Variants in DOCK8 observed in about 807,000 individuals in gnomAD.
DOCK8 encodes the protein dedicator of cytokinesis protein 8.
Under a neutral mutation model 245.6 loss-of-function variants are expected in DOCK8, and 141 were observed. The observed-to-expected ratio is 0.57, with a 90% confidence interval of 0.50 to 0.66. The LOEUF is 0.66. Ranked by LOEUF, DOCK8 falls within the 30% of genes least tolerant of loss-of-function variation. The pLI, the probability that DOCK8 is intolerant of heterozygous loss-of-function variation, is 0.00. For missense variants in DOCK8, 2,965 were observed against 2,603.4 expected, an observed-to-expected ratio of 1.14 and a Z score of -3.02; for synonymous variants, 1,168 against 970.2, an observed-to-expected ratio of 1.20 and a Z score of -3.79.
At position 214,945 on chromosome 9, in the gene DOCK8, G is replaced by A. The variant is rs746689422; in HGVS notation, c.-32G>A. On this transcript the variant is annotated 5_prime_UTR_variant, in exon 1 of 48. Transcript: ENST00000432829. ...CAGGCCCCCGCTTTCCGCACCCCGCGACCCTAGAAGCCACCGAACCGCCGG... is the reference window on the plus strand; with the variant it reads ...CAGGCCCCCGCTTTCCGCACCCCGCAACCCTAGAAGCCACCGAACCGCCGG... 1.9e-6 allele frequency: 3 copies of A among 1,603,662 alleles called. No individual in the cohort carries two copies. The highest frequency in any genetic ancestry group is 2.3e-5 in the East Asian group (1 of 44,106).
rs2055901401 is a variant in DOCK8 at position 414,647 on chromosome 9, A to G, written c.3531-135A>G. Reference sequence around the variant, plus strand: ...GGCAGTCTGTTTCTGGATTCTATGTAGTTCTATCCTATATTGCTTGGTTTT... The same window carrying G: ...GGCAGTCTGTTTCTGGATTCTATGTGGTTCTATCCTATATTGCTTGGTTTT... On this transcript the variant is annotated intron_variant, in intron 28 of 47. Coordinates refer to ENST00000432829, the MANE Select transcript of DOCK8 (RefSeq NM_203447.4). 3.0e-6 allele frequency: 3 copies of G among 994,150 alleles called. No individual in the cohort carries two copies. In the South Asian group the frequency reaches 4.0e-5, roughly 13 times the overall value. 61.6% of individuals were successfully genotyped at this position (994,150 alleles called of 1,614,324 possible).
At chr9:460,559 T>A (rs1179065271) in intron 46 of DOCK8, 2 of 152,282 alleles carry the variant, frequency 1.3e-5, no homozygotes, top group African/African-American at 4.8e-5. Flanking sequence ...CCTTCCCTTC[T>A]ATTTCTTCCC....
chr9:214,623 C>T (rs752496365), upstream of DOCK8: 5 of 1,613,446 alleles, frequency 3.1e-6, no homozygotes, highest in Admixed American at 6.7e-5. Context: ...GGCCTGCGCG[C>T]AGTGGTCGCC....
At chr9:211,602 A>T (rs2046621013), upstream of DOCK8, among the ~76,000 whole-genome samples, 1 of 152,180 alleles carries the variant, frequency 6.6e-6, no homozygotes, top group South Asian at 2.1e-4. Flanking sequence ...GATATTTACA[A>T]AGAAGTGATA....
intron 36 of DOCK8, among the ~76,000 whole-genome samples, chr9:431,697 C>G (rs1004378160): frequency 6.6e-6 from 1 of 151,936 alleles, no homozygotes; most frequent in Non-Finnish European, 1.5e-5. Flanking sequence ...TTAGTAGAGG[C>G]GGGGTTTTGC....
intron 23 of DOCK8, among the ~76,000 whole-genome samples, chr9:388,445 A>T (rs547697275): frequency 8.1e-4 from 123 of 152,350 alleles, no homozygotes; most frequent in African/African-American, 2.9e-3. Context: ...AAGCATGTAT[A>T]CAGAGATTTT....
intron 14 of DOCK8, among the ~76,000 whole-genome samples, chr9:345,299 T>G (rs1248871180): frequency 6.6e-6 from 1 of 152,130 alleles, no homozygotes; most frequent in Non-Finnish European, 1.5e-5. Flanking sequence ...CCTCATGAAT[T>G]TGAAATATGG....
chr9:385,373 T>C (rs1034128653), intron 22 of DOCK8, among the ~76,000 whole-genome samples: 2 of 152,158 alleles, frequency 1.3e-5, no homozygotes, highest in African/African-American at 4.8e-5. Flanking sequence ...ATGAAAGTCA[T>C]ATAAGAAATA....
intron 35 of DOCK8, 27 bp downstream of exon 35, chr9:428,523 C>T (rs1564057086): frequency 6.2e-7 from 1 of 1,613,690 alleles, no homozygotes; most frequent in African/African-American, 1.3e-5. Context: ...TGTTTTCTTC[C>T]TCTTAATTAA....
In DOCK8 at chr9:252,235, A is replaced by G. The variant is rs538066536; in HGVS notation, c.54-19392A>G. 4.6e-4 allele frequency among the ~76,000 whole-genome samples: 70 copies of G among 151,682 alleles called. 1 individual carries two copies. The highest frequency in any genetic ancestry group is 4.2e-3 in the South Asian group (20 of 4,792). ...TGATTCACTGGCCTCGGCCTCCCAA[A>G]GTGCTGGGATTACAAGCGTGAGCCA... On this transcript the variant is annotated intron_variant, in intron 1 of 47. Coordinates refer to ENST00000432829, the MANE Select transcript of DOCK8 (RefSeq NM_203447.4).
intron 30 of DOCK8, among the ~76,000 whole-genome samples, chr9:418,687 G>T (rs772137809): frequency 2.0e-5 from 3 of 152,198 alleles, no homozygotes; most frequent in Admixed American, 6.5e-5. Flanking sequence ...AGTCAGAAAG[G>T]GTTCTGGCAA....
At chr9:437,373 T>C (rs1282279894) in intron 39 of DOCK8, among the ~76,000 whole-genome samples, 3 of 152,212 alleles carry the variant, frequency 2.0e-5, no homozygotes, top group African/African-American at 7.2e-5. Flanking sequence ...GAGAGATGCC[T>C]CCTTTCTAGC....
chr9:395,378 A>G (rs1292110171), intron 24 of DOCK8, among the ~76,000 whole-genome samples: 2 of 152,078 alleles, frequency 1.3e-5, no homozygotes, highest in East Asian at 1.9e-4. Context: ...TTTCCATGCT[A>G]ACAAAAATTG....
intron 43 of DOCK8, among the ~76,000 whole-genome samples, chr9:445,848 A>G (rs902468620): frequency 3.3e-5 from 5 of 152,194 alleles, no homozygotes; most frequent in African/African-American, 1.2e-4. Context: ...GCTGGGTCCA[A>G]TGGTAGTGCA....
At chr9:446,642 G>A in intron 44 of DOCK8, 36 bp downstream of exon 44, 1 of 1,600,988 alleles carries the variant, frequency 6.2e-7, no homozygotes, top group Non-Finnish European at 8.6e-7. Context: ...CACTGGATGA[G>A]TGGGCTGGGT....
chr9:415,044 A>C lies in DOCK8; in HGVS notation c.3700+93A>C, dbSNP rs55709009. 216,757 of 1,509,878 alleles carry C rather than the reference A, an allele frequency of 0.14. 16,634 individuals carry two copies. The highest frequency in any genetic ancestry group is 0.22 in the African/African-American group (15,996 of 72,754). The allele number at this position is 1,509,878 out of a possible 1,614,324, so 93.5% of individuals were successfully genotyped here. On this transcript the variant is annotated intron_variant, in intron 29 of 47. Coordinates refer to ENST00000432829, the MANE Select transcript of DOCK8 (RefSeq NM_203447.4). ...ATCTCTGTCATTCGTTCCAGTGCTG[A>C]TATGTTCATATGAGCAATTCTTCAC...
chr9:277,457 G>GAGAAGAGA (rs1554651516), intron 2 of DOCK8, among the ~76,000 whole-genome samples: 2 of 129,496 alleles, frequency 1.5e-5, no homozygotes, highest in African/African-American at 8.0e-5. Context: ...AGAAGAGAAA[G>GAGAAGAGA]AGAGAAGAGA....
In DOCK8 at chr9:425,426, G is replaced by A. The variant is rs919045691; in HGVS notation, c.4242-1459G>A. On this transcript the variant is annotated intron_variant, in intron 33 of 47. Coordinates refer to ENST00000432829, the MANE Select transcript of DOCK8 (RefSeq NM_203447.4). ...GGGCGCCTGTAGTCCCAGCTACTCG[G>A]GAGGCTGAAGCAGGAGAATGGCGTG... Among the ~76,000 whole-genome samples, 10 of 152,030 alleles carry A rather than the reference G, an allele frequency of 6.6e-5. No homozygotes were observed. In the East Asian group the frequency reaches 1.4e-3, roughly 21 times the overall value.
intron 1 of DOCK8, among the ~76,000 whole-genome samples, chr9:252,690 G>A (rs896511341): frequency 6.6e-6 from 1 of 151,562 alleles, no homozygotes; most frequent in Non-Finnish European, 1.5e-5. Flanking sequence ...TGTAGCCCCA[G>A]CTACTTGGTA....
Sources: gnomAD v4.1 joint callset for allele counts (sites outside exome capture counted in the v4.1 genomes callset) on GRCh38, gnomAD v4.1.1 for gene constraint, MANE v1.5 for transcripts, NCBI Gene and HGNC (gene_info 2026-07-23, HGNC 2026-07-21) for gene names.